The following HS6ST3 variants were observed in gnomAD, a reference collection of about 807,000 sequenced individuals.
HS6ST3 encodes heparan sulfate 6-O-sulfotransferase 3.
A neutral mutation model predicts 36.7 loss-of-function variants in HS6ST3; 12 were observed. That is an observed-to-expected ratio of 0.33 (90% CI 0.21 to 0.53). HS6ST3 has a LOEUF of 0.53. HS6ST3 is among the 20% of genes least tolerant of loss of function. The probability of loss-of-function intolerance (pLI) is 0.95; values close to 1 mark genes in which losing one functional copy is unlikely to be tolerated. For synonymous variants in HS6ST3, 240 were observed against 257.5 expected (o/e 0.93, Z 0.65); for missense variants, 584 against 640.9 (o/e 0.91, Z 0.96).
chr13:96,179,943 C>T (rs2054231645), intron 1 of HS6ST3, among the ~76,000 whole-genome samples: 1 of 152,146 alleles, frequency 6.6e-6, no homozygotes, highest in South Asian at 2.1e-4. Context: ...GATTTTCCTG[C>T]CTCAGCCTAC....
intron 1 of HS6ST3, among the ~76,000 whole-genome samples, chr13:96,780,686 G>T (rs1032254291): frequency 6.6e-6 from 1 of 152,038 alleles, no homozygotes; most frequent in African/African-American, 2.4e-5. Context: ...GCTCTCTCTG[G>T]AGCACCTTCT....
At position 96,309,738 on chromosome 13, in the gene HS6ST3, T is replaced by G. The variant is rs865805236; in HGVS notation, c.707+218169T>G. 1.8e-4 allele frequency among the ~76,000 whole-genome samples: 28 copies of G among 152,228 alleles called. No homozygotes were observed. In the Middle Eastern group the frequency reaches 0.014, roughly 74 times the overall value. On this transcript the variant is annotated intron_variant, in intron 1 of 1. Transcript: ENST00000376705. The stretch of plus-strand genomic sequence containing the variant: ...CATATGTTCTCTCTATTCTTATCAT[T>G]TAAATTAAACTTTGATAAAAATGTA...
intron 1 of HS6ST3, among the ~76,000 whole-genome samples, chr13:96,239,289 A>C (rs888158330): frequency 6.6e-6 from 1 of 152,236 alleles, no homozygotes; most frequent in Admixed American, 6.5e-5. Flanking sequence ...AATTATTTAC[A>C]TGACAGATGC....
chr13:96,648,191 T>C (rs1405770540), intron 1 of HS6ST3, among the ~76,000 whole-genome samples: 1 of 152,058 alleles, frequency 6.6e-6, no homozygotes, highest in Non-Finnish European at 1.5e-5. Context: ...TGGAGTTGGT[T>C]GTTAAATATT....
At chr13:96,240,205 A>G (rs2054553526) in intron 1 of HS6ST3, among the ~76,000 whole-genome samples, 1 of 152,212 alleles carries the variant, frequency 6.6e-6, no homozygotes, top group Non-Finnish European at 1.5e-5. Context: ...GCAAGATAAG[A>G]TCCTAGCAGT....
At chr13:96,646,984 T>C (rs2056590921) in intron 1 of HS6ST3, among the ~76,000 whole-genome samples, 2 of 151,988 alleles carry the variant, frequency 1.3e-5, no homozygotes, top group East Asian at 1.9e-4. Flanking sequence ...GCATTTATTA[T>C]AGCAAGCTAG....
chr13:96,432,239 A>C (rs1032442185), intron 1 of HS6ST3, among the ~76,000 whole-genome samples: 1 of 152,194 alleles, frequency 6.6e-6, no homozygotes, highest in African/African-American at 2.4e-5. Flanking sequence ...AACTATGGCT[A>C]ATGACCCCTG....
chr13:96,163,832 G>T (rs2139330391), intron 1 of HS6ST3, among the ~76,000 whole-genome samples: 1 of 152,294 alleles, frequency 6.6e-6, no homozygotes, highest in Non-Finnish European at 1.5e-5. Flanking sequence ...TGCCAGTGTT[G>T]ACAGTTCTTT....
chr13:96,235,883 G>C (rs1179315246), intron 1 of HS6ST3, among the ~76,000 whole-genome samples: 1 of 152,184 alleles, frequency 6.6e-6, no homozygotes, highest in Non-Finnish European at 1.5e-5. Flanking sequence ...TTCATTAGGA[G>C]AATGGGCTTA....
At chr13:96,248,945 C>G (rs565272732) in intron 1 of HS6ST3, among the ~76,000 whole-genome samples, 1 of 152,232 alleles carries the variant, frequency 6.6e-6, no homozygotes, top group East Asian at 1.9e-4. Flanking sequence ...ATGTGGCCAC[C>G]TTTTCTGTCA....
chr13:96,169,756 C>G (rs930156453), intron 1 of HS6ST3: 5 of 152,268 alleles, frequency 3.3e-5, no homozygotes, highest in African/African-American at 9.6e-5. Flanking sequence ...CCAAATGGAG[C>G]TGATCAAAAC....
At chr13:96,828,774 G>A (rs964755374) in intron 1 of HS6ST3, among the ~76,000 whole-genome samples, 4 of 152,194 alleles carry the variant, frequency 2.6e-5, no homozygotes, top group African/African-American at 9.6e-5. Context: ...TGACATCCAA[G>A]TGTTTCAGTG....
chr13:96,510,492 G>A (rs749576197), intron 1 of HS6ST3, among the ~76,000 whole-genome samples: 1 of 152,084 alleles, frequency 6.6e-6, no homozygotes, highest in African/African-American at 2.4e-5. Flanking sequence ...CAAGGAATCC[G>A]ATGATGTGAC....
At chr13:96,117,105 T>C (rs2053897435) in intron 1 of HS6ST3, among the ~76,000 whole-genome samples, 1 of 152,188 alleles carries the variant, frequency 6.6e-6, no homozygotes, top group African/African-American at 2.4e-5. Context: ...TGAAATAAAA[T>C]TTCTGGTATA....
chr13:96,355,428 G>C (rs2055205793), intron 1 of HS6ST3, among the ~76,000 whole-genome samples: 1 of 147,626 alleles, frequency 6.8e-6, no homozygotes, highest in Admixed American at 6.7e-5. Flanking sequence ...CACACACAGA[G>C]GCATAGATGA....
intron 1 of HS6ST3, among the ~76,000 whole-genome samples, chr13:96,455,994 G>A (rs2055752874): frequency 6.6e-6 from 1 of 152,108 alleles, no homozygotes; most frequent in Admixed American, 6.6e-5. Context: ...AGTTGTTCCT[G>A]GTACAGTGAT....
At chr13:96,311,159 A>G (rs1328473402) in intron 1 of HS6ST3, among the ~76,000 whole-genome samples, 1 of 152,202 alleles carries the variant, frequency 6.6e-6, no homozygotes, top group African/African-American at 2.4e-5. Flanking sequence ...ACATTTATGA[A>G]AAGAATCCTG....
chr13:96,441,902 A>C (rs1046733805), intron 1 of HS6ST3, among the ~76,000 whole-genome samples: 19 of 152,218 alleles, frequency 1.2e-4, no homozygotes, highest in Non-Finnish European at 1.5e-5. Context: ...AATTCTAGAA[A>C]TTAATAAGTG....
intron 1 of HS6ST3, among the ~76,000 whole-genome samples, chr13:96,460,811 C>T (rs1283724361): frequency 1.3e-5 from 2 of 152,090 alleles, no homozygotes; most frequent in African/African-American, 4.8e-5. Context: ...CAGCACAGAC[C>T]TATTTGACTT....
Sources: allele counts gnomAD v4.1 joint callset (sites outside exome capture counted in the v4.1 genomes callset), GRCh38; gene constraint gnomAD v4.1.1; transcripts MANE v1.5; gene names NCBI Gene and HGNC (gene_info 2026-07-23, HGNC 2026-07-21).